The following ANKRD30B variants were observed in gnomAD, a reference collection of about 807,000 sequenced individuals.
ANKRD30B encodes ankyrin repeat domain-containing protein 30B.
A neutral mutation model predicts 202.2 loss-of-function variants in ANKRD30B; 144 were observed. The observed-to-expected ratio is 0.71, with a 90% CI of 0.62 to 0.82. The LOEUF is 0.82. Ranked by LOEUF, ANKRD30B falls within the 40% of genes least tolerant of loss-of-function variation. ANKRD30B has a pLI of 0.00. For missense variants in ANKRD30B, 1,487 were observed against 1,669.1 expected (o/e 0.89, Z 1.90); for synonymous variants, 508 against 561.3 (o/e 0.91, Z 1.34).
chr18:14,845,639 G>C (rs573341797), intron 39 of ANKRD30B, among the ~76,000 whole-genome samples: 181 of 151,282 alleles, frequency 1.2e-3, no homozygotes, highest in African/African-American at 4.1e-3. Flanking sequence ...CATCATTTTT[G>C]TGTTTTATTA....
In ANKRD30B at chr18:14,780,018, T is replaced by TG. The variant is rs1191513645; in HGVS notation, c.1482+1dup. ...AAGATGAAGAATATTCTTGGGATTC[T>TG]GGGGTATTGTGTATTATTGCTGTTA... On this transcript the variant is annotated frameshift_variant, in exon 11 of 44. Transcript: ENST00000690538. LOFTEE classifies it high-confidence loss of function. 6.2e-7 allele frequency: 1 copy of TG among 1,602,634 alleles called. No individual in the cohort carries two copies. The highest frequency in any genetic ancestry group is 8.5e-7 in the Non-Finnish European group (1 of 1,171,876).
the ANKRD30B span, among the ~76,000 whole-genome samples, chr18:14,864,972 C>A: frequency 1.3e-5 from 2 of 151,980 alleles, no homozygotes; most frequent in African/African-American, 4.8e-5. Context: ...CCCGCTCACC[C>A]TCTTCTTTCC....
chr18:14,890,628 ATAAT>A, the ANKRD30B span, among the ~76,000 whole-genome samples: 3 of 150,926 alleles, frequency 2.0e-5, no homozygotes, highest in Non-Finnish European at 3.0e-5. Context: ...TAATCATTAT[ATAAT>A]TACTTTTCTA....
Position 14,752,274 on chromosome 18 carries a change from C to T in ANKRD30B, c.222-292C>T, listed in dbSNP as rs148829483. On this transcript the variant is annotated intron_variant, in intron 1 of 43. Transcript: ENST00000690538. Reference sequence around the variant, plus strand: ...ATCTCCATTTTATTGATGAGAAAAGCGAGGTGCAGAAAGTTTAAGTGACAG... The same window carrying T: ...ATCTCCATTTTATTGATGAGAAAAGTGAGGTGCAGAAAGTTTAAGTGACAG... Among the ~76,000 whole-genome samples the T allele has an allele frequency of 7.5e-3, 1,140 of 152,158 alleles. 11 individuals carry two copies. The highest frequency in any genetic ancestry group is 0.026 in the African/African-American group (1,081 of 41,508).
chr18:14,785,684 A>T (rs1273169768), intron 14 of ANKRD30B, among the ~76,000 whole-genome samples: 2 of 152,288 alleles, frequency 1.3e-5, no homozygotes, highest in East Asian at 3.9e-4. Context: ...AATGAGTGAA[A>T]ATGGTGACTT....
rs183378971 is a variant in ANKRD30B, at chr18:14,833,890, T to A, written c.2847+2435T>A. Among the ~76,000 whole-genome samples the A allele has an allele frequency of 1.7e-3, 253 of 152,330 alleles. 2 individuals carry two copies. Among genetic ancestry groups the A allele is most frequent in the African/African-American group, 4.8e-3 (201 of 41,580 alleles). On this transcript the variant is annotated intron_variant, in intron 34 of 43. Transcript: ENST00000690538. ...AAAAATGATTTACCCCAGACTTTTT[T>A]AATCACAGAATACATTTCTTCAGTG...
the ANKRD30B span, among the ~76,000 whole-genome samples, chr18:14,932,986 T>C: frequency 6.6e-6 from 1 of 152,364 alleles, no homozygotes; most frequent in East Asian, 1.9e-4. Flanking sequence ...AGTACATCTG[T>C]TGTTTCTTGA....
the ANKRD30B span, among the ~76,000 whole-genome samples, chr18:14,885,226 T>C: frequency 6.6e-6 from 1 of 152,076 alleles, no homozygotes; most frequent in Non-Finnish European, 1.5e-5. Context: ...GTTCTGGTTT[T>C]CTTTAGCCTT....
the ANKRD30B span, among the ~76,000 whole-genome samples, chr18:14,883,375 C>G: frequency 0.13 from 11,962 of 91,156 alleles, 626 homozygotes; most frequent in East Asian, 0.21. Flanking sequence ...GTCTGTCTCT[C>G]TCTCTCTCTC....
chr18:14,847,054 A>T (rs1361020428), intron 39 of ANKRD30B, among the ~76,000 whole-genome samples: 9 of 17,910 alleles, frequency 5.0e-4, no homozygotes, highest in African/African-American at 2.5e-3. Context: ...TTAGTTTTAT[A>T]TATATATATA....
chr18:14,918,110 C>T, the ANKRD30B span, among the ~76,000 whole-genome samples: 4 of 152,154 alleles, frequency 2.6e-5, no homozygotes, highest in Admixed American at 2.6e-4. Context: ...CGTACTCAGG[C>T]ATGGCATAAA....
chr18:14,838,220 A>G (rs911424819), intron 36 of ANKRD30B, among the ~76,000 whole-genome samples: 35 of 152,204 alleles, frequency 2.3e-4, no homozygotes, highest in African/African-American at 8.4e-4. Flanking sequence ...AAGTTTGTCT[A>G]AAAACTAAAT....
chr18:14,903,711 G>A, the ANKRD30B span: 3 of 152,154 alleles, frequency 2.0e-5, no homozygotes, highest in Non-Finnish European at 2.9e-5. Context: ...TTGGGGTAAA[G>A]TTCTCTGCAC....
intron 11 of ANKRD30B, among the ~76,000 whole-genome samples, chr18:14,780,228 C>T (rs889656901): frequency 6.6e-6 from 1 of 151,916 alleles, no homozygotes; most frequent in African/African-American, 2.4e-5. Flanking sequence ...GGAGGATCAC[C>T]TGAGTTCAGG....
At chr18:14,859,087 A>G (rs1385436687), downstream of ANKRD30B, among the ~76,000 whole-genome samples, 1 of 132,896 alleles carries the variant, frequency 7.5e-6, no homozygotes, top group African/African-American at 2.9e-5. Context: ...GGCGCTCCTC[A>G]CCTCCTAGAT....
chr18:14,785,882 C>A (rs1403611416), intron 14 of ANKRD30B, among the ~76,000 whole-genome samples: 3 of 151,728 alleles, frequency 2.0e-5, no homozygotes, highest in Non-Finnish European at 4.4e-5. Context: ...ACTAAAAATA[C>A]AAAAAATTAG....
the ANKRD30B span, among the ~76,000 whole-genome samples, chr18:14,932,939 G>A: frequency 2.2e-4 from 33 of 151,956 alleles, no homozygotes; most frequent in African/African-American, 8.0e-4. Context: ...GTTTTTTGGA[G>A]GGAAAAAAAT....
chr18:14,808,901 G>A (rs1969730170), intron 26 of ANKRD30B, among the ~76,000 whole-genome samples, 157 bp downstream of exon 26: 1 of 150,908 alleles, frequency 6.6e-6, no homozygotes, highest in African/African-American at 2.5e-5. Context: ...TTGAGAAAAT[G>A]TCATTTAGAA....
the ANKRD30B span, among the ~76,000 whole-genome samples, chr18:14,874,673 C>T: frequency 6.6e-6 from 1 of 152,102 alleles, no homozygotes; most frequent in Non-Finnish European, 1.5e-5. Context: ...ACCTCTTGGC[C>T]ACCCTCCCGA....
Sources: gnomAD v4.1 joint callset for allele counts (sites outside exome capture counted in the v4.1 genomes callset) on GRCh38, gnomAD v4.1.1 for gene constraint, MANE v1.5 for transcripts, NCBI Gene and HGNC (gene_info 2026-07-23, HGNC 2026-07-21) for gene names.